LINGO2: variants seen among roughly 807,000 people sequenced by gnomAD.
LINGO2 encodes leucine-rich repeat and immunoglobulin-like domain-containing nogo receptor-interacting protein 2.
Under a neutral mutation model 30.6 loss-of-function variants are expected in LINGO2, and 14 were observed. The observed-to-expected ratio is 0.46, with a 90% CI of 0.30 to 0.72. The LOEUF (loss-of-function observed/expected upper bound fraction) is 0.72, where lower values mean the gene tolerates loss of function less well. LINGO2 is among the 30% of genes least tolerant of loss of function. The pLI, the probability that LINGO2 is intolerant of heterozygous loss-of-function variation, is 0.07. For missense variants in LINGO2, 729 were observed against 751.7 expected (o/e 0.97, Z 0.35); for synonymous variants, 317 against 288.5 (o/e 1.10, Z -1.00).
At chr9:28,481,381 C>T (rs1425794304) in intron 1 of LINGO2, among the ~76,000 whole-genome samples, 6 of 152,048 alleles carry the variant, frequency 3.9e-5, no homozygotes, top group East Asian at 1.9e-4. Context: ...ACAGCCTATA[C>T]GCACCAAAAT....
chr9:28,828,222 G>C, the LINGO2 span, among the ~76,000 whole-genome samples: 1 of 151,832 alleles, frequency 6.6e-6, no homozygotes, highest in African/African-American at 2.4e-5. Flanking sequence ...ACTAGACCAG[G>C]TTGTCTTATC....
intron 4 of LINGO2, among the ~76,000 whole-genome samples, chr9:28,088,528 T>C (rs4305993): frequency 0.093 from 14,205 of 152,026 alleles, 777 homozygotes; most frequent in African/African-American, 0.15. Context: ...GTGGATGAAA[T>C]GTAGGTATAT....
chr9:28,841,809 CA>C, the LINGO2 span, among the ~76,000 whole-genome samples: 2 of 151,664 alleles, frequency 1.3e-5, no homozygotes, highest in Non-Finnish European at 2.9e-5. Context: ...AAGGTATAGC[CA>C]CTCAAGAAAT....
chr9:28,596,359 G>A (rs572390401), intron 1 of LINGO2, among the ~76,000 whole-genome samples: 1 of 152,018 alleles, frequency 6.6e-6, no homozygotes, highest in African/African-American at 2.4e-5. Flanking sequence ...TTTGAAAGTT[G>A]TTTCTTTTTT....
intron 4 of LINGO2, among the ~76,000 whole-genome samples, chr9:28,272,205 T>G (rs1822965157): frequency 1.3e-5 from 2 of 151,992 alleles, no homozygotes; most frequent in South Asian, 4.1e-4. Flanking sequence ...CTGTCCACAC[T>G]CCACATAGCA....
At chr9:28,668,035 A>G (rs1248598110) in intron 1 of LINGO2, among the ~76,000 whole-genome samples, 2 of 151,914 alleles carry the variant, frequency 1.3e-5, no homozygotes, top group Non-Finnish European at 2.9e-5. Flanking sequence ...TATATTCACA[A>G]TTTTTCTAGC....
chr9:28,139,937 T>C (rs16912520), intron 4 of LINGO2, among the ~76,000 whole-genome samples: 11,668 of 152,242 alleles, frequency 0.077, 565 homozygotes, highest in African/African-American at 0.13. Flanking sequence ...GCTATACCAT[T>C]CACCTCACCT....
At chr9:28,182,736 C>T (rs1037129248) in intron 4 of LINGO2, among the ~76,000 whole-genome samples, 4 of 152,058 alleles carry the variant, frequency 2.6e-5, no homozygotes, top group African/African-American at 9.7e-5. Context: ...TAGAGAAATG[C>T]AAATCAAAAC....
chr9:28,644,719 T>A (rs1827758340), intron 1 of LINGO2, among the ~76,000 whole-genome samples: 1 of 152,162 alleles, frequency 6.6e-6, no homozygotes, highest in African/African-American at 2.4e-5. Context: ...AAAGGATAAA[T>A]CCTTGATGGA....
the LINGO2 span, among the ~76,000 whole-genome samples, chr9:28,896,093 C>T: frequency 3.3e-5 from 5 of 152,158 alleles, no homozygotes; most frequent in South Asian, 1.0e-3. Flanking sequence ...CAAGGAAGTA[C>T]AGCTCTCAAG....
chr9:28,311,924 C>CA, intron 3 of LINGO2, among the ~76,000 whole-genome samples: 2 of 152,170 alleles, frequency 1.3e-5, no homozygotes, highest in Admixed American at 1.3e-4. Context: ...TCAGAGACTG[C>CA]AGTAAAGACA....
chr9:28,420,493 TACAA>T (rs1282841105), intron 2 of LINGO2, among the ~76,000 whole-genome samples: 4 of 152,094 alleles, frequency 2.6e-5, no homozygotes, highest in African/African-American at 9.6e-5. Flanking sequence ...TCATCTATTG[TACAA>T]ACACATTTTT....
the LINGO2 span, among the ~76,000 whole-genome samples, chr9:28,692,684 T>C: frequency 6.6e-6 from 1 of 152,098 alleles, no homozygotes; most frequent in Non-Finnish European, 1.5e-5. Context: ...CATCAAATCT[T>C]ACCTACTCAG....
intron 3 of LINGO2, among the ~76,000 whole-genome samples, chr9:28,333,635 A>T (rs890843392): frequency 1.3e-5 from 2 of 152,188 alleles, no homozygotes; most frequent in East Asian, 3.8e-4. Context: ...TCAATCCTCA[A>T]GTGTGCATAT....
At chr9:28,386,927 G>A (rs1413554682) in intron 2 of LINGO2, among the ~76,000 whole-genome samples, 1 of 152,146 alleles carries the variant, frequency 6.6e-6, no homozygotes, top group Non-Finnish European at 1.5e-5. Context: ...TGAAGATATA[G>A]TAAGAATGTT....
intron 4 of LINGO2, among the ~76,000 whole-genome samples, chr9:28,063,180 TTTTA>T (rs982078339): frequency 8.5e-5 from 13 of 152,124 alleles, no homozygotes; most frequent in Non-Finnish European, 1.8e-4. Context: ...TCATACTTTC[TTTTA>T]GTTTGTGTGC....
intron 4 of LINGO2, among the ~76,000 whole-genome samples, chr9:28,114,663 G>T (rs1400967124): frequency 4.6e-4 from 47 of 102,276 alleles, no homozygotes; most frequent in Non-Finnish European, 5.6e-4. Context: ...GTCGAGGAAT[G>T]TATCCATTTC....
chr9:27,951,018 C>T (rs1296430236), intron 5 of LINGO2, among the ~76,000 whole-genome samples: 1 of 152,098 alleles, frequency 6.6e-6, no homozygotes, highest in Non-Finnish European at 1.5e-5. Flanking sequence ...GACTGTGAGA[C>T]AACACAGTAT....
At chr9:29,203,317 T>G in the LINGO2 span, among the ~76,000 whole-genome samples, 1 of 152,136 alleles carries the variant, frequency 6.6e-6, no homozygotes, top group Admixed American at 6.6e-5. Context: ...CAGACTTCAG[T>G]GTTTAAGGTT....
Sources: allele counts gnomAD v4.1 joint callset (sites outside exome capture counted in the v4.1 genomes callset), GRCh38; gene constraint gnomAD v4.1.1; transcripts MANE v1.5; gene names NCBI Gene and HGNC (gene_info 2026-07-23, HGNC 2026-07-21).